RPTOR: variants seen among roughly 807,000 people sequenced by gnomAD.
RPTOR encodes the protein regulatory associated protein of MTOR complex 1, also known as regulatory-associated protein of mTOR.
A neutral mutation model predicts 169.9 loss-of-function variants in RPTOR; 21 were observed. That is an observed-to-expected ratio of 0.12 (90% CI 0.09 to 0.18). The LOEUF (loss-of-function observed/expected upper bound fraction) is 0.18, where lower values mean the gene tolerates loss of function less well. Ranked by LOEUF, RPTOR falls within the 10% of genes least tolerant of loss-of-function variation. The probability of loss-of-function intolerance (pLI) is 1.00; values close to 1 mark genes in which losing one functional copy is unlikely to be tolerated. For missense variants in RPTOR, 1,133 were observed against 1,855.9 expected, an observed-to-expected ratio of 0.61 and a Z score of 7.16; for synonymous variants, 732 against 753.2, an observed-to-expected ratio of 0.97 and a Z score of 0.46.
intron 1 of RPTOR, among the ~76,000 whole-genome samples, chr17:80,591,795 C>T (rs1182373532): frequency 6.6e-6 from 1 of 151,982 alleles, no homozygotes; most frequent in Non-Finnish European, 1.5e-5. Context: ...CATATACCTG[C>T]GATGTCAACA....
intron 21 of RPTOR, among the ~76,000 whole-genome samples, chr17:80,916,974 G>A (rs748497754): frequency 3.3e-5 from 5 of 152,184 alleles, no homozygotes; most frequent in East Asian, 1.9e-4. Context: ...GCAACAGAGC[G>A]AGACTCTTAT....
At chr17:80,625,381 G>A (rs529352680) in intron 1 of RPTOR, among the ~76,000 whole-genome samples, 4 of 152,302 alleles carry the variant, frequency 2.6e-5, no homozygotes, top group South Asian at 4.1e-4. Flanking sequence ...TATTGAGTGC[G>A]TTAAAATGTT....
At chr17:80,600,841 C>G (rs975070380) in intron 1 of RPTOR, among the ~76,000 whole-genome samples, 4 of 151,564 alleles carry the variant, frequency 2.6e-5, no homozygotes, top group African/African-American at 9.7e-5. Context: ...CAGAGATGAC[C>G]GCAGCAGCAT....
At chr17:80,657,086 T>A (rs2065685530) in intron 3 of RPTOR, among the ~76,000 whole-genome samples, 1 of 152,256 alleles carries the variant, frequency 6.6e-6, no homozygotes, top group Admixed American at 6.5e-5. Context: ...TTCTTGCTTG[T>A]TTAAATTTGA....
intron 1 of RPTOR, among the ~76,000 whole-genome samples, chr17:80,590,421 G>A (rs56237831): frequency 2.7e-5 from 4 of 149,174 alleles, no homozygotes; most frequent in African/African-American, 7.5e-5. Context: ...GCGCACACAC[G>A]TGCACACAGT....
intron 3 of RPTOR, among the ~76,000 whole-genome samples, chr17:80,679,702 G>A (rs2065884251): frequency 6.6e-6 from 1 of 152,238 alleles, no homozygotes; most frequent in African/African-American, 2.4e-5. Flanking sequence ...ATAGCTGTAA[G>A]GAGTTGAAGT....
intron 3 of RPTOR, among the ~76,000 whole-genome samples, chr17:80,681,377 C>T (rs184500067): frequency 3.9e-4 from 59 of 152,278 alleles, no homozygotes; most frequent in African/African-American, 1.3e-3. Context: ...CTCGTTCCGT[C>T]CTCACACTGC....
At chr17:80,882,260 T>A (rs2068193943) in intron 14 of RPTOR, among the ~76,000 whole-genome samples, 1 of 152,238 alleles carries the variant, frequency 6.6e-6, no homozygotes, top group Non-Finnish European at 1.5e-5. Flanking sequence ...AGATAGTGGC[T>A]GAGAATTTTC....
At chr17:80,747,415 C>A (rs184551848) in intron 5 of RPTOR, among the ~76,000 whole-genome samples, 1 of 152,272 alleles carries the variant, frequency 6.6e-6, no homozygotes, top group East Asian at 1.9e-4. Flanking sequence ...ACCTCTGCAG[C>A]CAGAGGGCAT....
chr17:80,742,815 T>C (rs570497064), intron 5 of RPTOR, among the ~76,000 whole-genome samples: 14 of 152,100 alleles, frequency 9.2e-5, no homozygotes, highest in Non-Finnish European at 1.8e-4. Flanking sequence ...TATACACATA[T>C]ATACATGCCC....
At chr17:80,598,306 G>A (rs550622417) in intron 1 of RPTOR, among the ~76,000 whole-genome samples, 40 of 152,268 alleles carry the variant, frequency 2.6e-4, no homozygotes, top group African/African-American at 7.5e-4. Context: ...GCAGAGAGGC[G>A]TCTAGAAAGA....
At chr17:80,935,774 C>T (rs2068948178) in intron 24 of RPTOR, among the ~76,000 whole-genome samples, 1 of 138,364 alleles carries the variant, frequency 7.2e-6, no homozygotes, top group Non-Finnish European at 1.7e-5. Flanking sequence ...TAGAAGGAAA[C>T]AGAAAAAAAA....
intron 1 of RPTOR, among the ~76,000 whole-genome samples, chr17:80,581,598 A>G (rs1197283865): frequency 1.3e-5 from 2 of 148,204 alleles, no homozygotes; most frequent in Non-Finnish European, 3.0e-5. Context: ...GGGCCAGTGC[A>G]TGCCTGCTAT....
At chr17:80,731,321 A>G (rs1226758707) in intron 5 of RPTOR, among the ~76,000 whole-genome samples, 1 of 152,066 alleles carries the variant, frequency 6.6e-6, no homozygotes, top group African/African-American at 2.4e-5. Flanking sequence ...AAGCAGACAC[A>G]TTTATTTTAG....
intron 4 of RPTOR, among the ~76,000 whole-genome samples, chr17:80,719,638 G>T (rs917945313): frequency 1.4e-4 from 21 of 152,168 alleles, no homozygotes; most frequent in African/African-American, 4.8e-4. Context: ...AAGGACAGGG[G>T]TCAGCAGATT....
chr17:80,819,983 G>A (rs538242641), intron 7 of RPTOR, among the ~76,000 whole-genome samples: 6 of 152,250 alleles, frequency 3.9e-5, no homozygotes, highest in African/African-American at 1.2e-4. Context: ...TGCCCTGGGC[G>A]CCTCTCTTCC....
chr17:80,636,588 A>G (rs1126064), intron 2 of RPTOR, among the ~76,000 whole-genome samples: 14,805 of 152,092 alleles, frequency 0.097, 778 homozygotes, highest in Middle Eastern at 0.14. Flanking sequence ...TTTATGAAAC[A>G]CGATCGCCTC....
chr17:80,607,770 C>T (rs1293434215), intron 1 of RPTOR, among the ~76,000 whole-genome samples: 1 of 151,986 alleles, frequency 6.6e-6, no homozygotes, highest in Non-Finnish European at 1.5e-5. Flanking sequence ...GGTACCTGCT[C>T]GTTGTACCAC....
chr17:80,668,062 C>T (rs1412562050), intron 3 of RPTOR, among the ~76,000 whole-genome samples: 13 of 152,118 alleles, frequency 8.5e-5, no homozygotes, highest in Non-Finnish European at 1.5e-5. Flanking sequence ...GTTTCAGGCG[C>T]GGGCATCTAA....
Sources: allele counts gnomAD v4.1 joint callset (sites outside exome capture counted in the v4.1 genomes callset), GRCh38; gene constraint gnomAD v4.1.1; transcripts MANE v1.5; gene names NCBI Gene and HGNC (gene_info 2026-07-23, HGNC 2026-07-21).